The following CALCR variants were observed in gnomAD, a reference collection of about 807,000 sequenced individuals.
The protein encoded by CALCR is calcitonin receptor.
A neutral mutation model predicts 59.5 loss-of-function variants in CALCR; 47 were observed. The observed-to-expected ratio is 0.79, with a 90% CI of 0.63 to 1.01. CALCR has a LOEUF of 1.01. Among genes scored for constraint, CALCR ranks in the 50% least tolerant of loss-of-function variants. CALCR has a pLI of 0.00. For synonymous variants in CALCR, 213 were observed against 211.3 expected, an observed-to-expected ratio of 1.01 and a Z score of -0.07; for missense variants, 566 against 597.1, an observed-to-expected ratio of 0.95 and a Z score of 0.54.
chr7:93,534,230 T>C lies in CALCR; in HGVS notation c.-27+40059A>G, dbSNP rs140682613. ...TACAATAGCCCTAAGAAGTATGTATTGTACTTATACATATAATACAAGATA... is the reference window on the plus strand; with the variant it reads ...TACAATAGCCCTAAGAAGTATGTATCGTACTTATACATATAATACAAGATA... On this transcript the variant is annotated intron_variant, in intron 2 of 13. Transcript: ENST00000426151. Among the ~76,000 whole-genome samples, 26 of 151,968 alleles carry C rather than the reference T, an allele frequency of 1.7e-4. No individual in the cohort carries two copies. The East Asian group carries it at 4.8e-3, about 28-fold the overall frequency.
At chr7:93,516,921 A>C (rs1801662563) in intron 2 of CALCR, among the ~76,000 whole-genome samples, 1 of 151,870 alleles carries the variant, frequency 6.6e-6, no homozygotes, top group Non-Finnish European at 1.5e-5. Flanking sequence ...CAGTGTTGAA[A>C]GTGAAAAGAA....
At chr7:93,548,082 C>A (rs906706486) in intron 2 of CALCR, among the ~76,000 whole-genome samples, 1 of 152,118 alleles carries the variant, frequency 6.6e-6, no homozygotes, top group South Asian at 2.1e-4. Context: ...TGTCAATTAT[C>A]GAGTTCTTAA....
chr7:93,444,118 G>A, intron 8 of CALCR, among the ~76,000 whole-genome samples: 1 of 152,126 alleles, frequency 6.6e-6, no homozygotes, highest in South Asian at 2.1e-4. Flanking sequence ...TCTATGGCCA[G>A]TGAAGCAAAT....
chr7:93,441,185 T>G (rs1799895078), intron 9 of CALCR, among the ~76,000 whole-genome samples: 1 of 152,136 alleles, frequency 6.6e-6, no homozygotes, highest in African/African-American at 2.4e-5. Context: ...CAAGAATACA[T>G]TTACAGCCTT....
rs1159521581 is a variant in CALCR at position 93,551,914 on chromosome 7, A to G, written c.-27+22375T>C. 2.0e-5 allele frequency among the ~76,000 whole-genome samples: 3 copies of G among 152,206 alleles called. No homozygotes were observed. In the East Asian group the frequency reaches 5.8e-4, roughly 29 times the overall value. Reference sequence around the variant, plus strand: ...TTCAATATAGATGACACAAATTAAGAAAAAGGTCTGTCAGCAGTCAGTGAA... The same window carrying G: ...TTCAATATAGATGACACAAATTAAGGAAAAGGTCTGTCAGCAGTCAGTGAA... On this transcript the variant is annotated intron_variant, in intron 2 of 13. Coordinates refer to ENST00000426151, the MANE Select transcript of CALCR (RefSeq NM_001742.4).
intron 8 of CALCR, among the ~76,000 whole-genome samples, chr7:93,454,528 C>A (rs1321402206): frequency 6.6e-6 from 1 of 151,796 alleles, no homozygotes; most frequent in Non-Finnish European, 1.5e-5. Flanking sequence ...AAGTATCCTG[C>A]TAGCTTCCTT....
At chr7:93,562,445 C>A (rs1789771551) in intron 2 of CALCR, among the ~76,000 whole-genome samples, 1 of 151,980 alleles carries the variant, frequency 6.6e-6, no homozygotes, top group South Asian at 2.1e-4. Flanking sequence ...CAACAAAAAA[C>A]AATGAAGACA....
At chr7:93,515,544 A>G (rs368416853) in intron 2 of CALCR, among the ~76,000 whole-genome samples, 1 of 152,040 alleles carries the variant, frequency 6.6e-6, no homozygotes, top group African/African-American at 2.4e-5. Flanking sequence ...TTTCTCAAAT[A>G]TATCTGCTTA....
At chr7:93,468,631 C>T (rs1800487688) in intron 7 of CALCR, 84 bp downstream of exon 7, 1 of 888,842 alleles carries the variant, frequency 1.1e-6, no homozygotes, top group Non-Finnish European at 1.8e-6. Flanking sequence ...AAGACCCTTC[C>T]CCACCTCCAC....
intron 2 of CALCR, among the ~76,000 whole-genome samples, chr7:93,504,834 T>C (rs572407166): frequency 3.3e-5 from 5 of 152,282 alleles, no homozygotes; most frequent in Non-Finnish European, 5.9e-5. Context: ...GTAATAATTG[T>C]GACTGACATC....
At chr7:93,493,588 G>C (rs1392500744) in intron 2 of CALCR, among the ~76,000 whole-genome samples, 1 of 151,336 alleles carries the variant, frequency 6.6e-6, no homozygotes, top group Non-Finnish European at 1.5e-5. Flanking sequence ...TCCAACTCGT[G>C]TTCTATATTA....
At chr7:93,500,321 C>A (rs2115997659) in intron 2 of CALCR, among the ~76,000 whole-genome samples, 1 of 152,020 alleles carries the variant, frequency 6.6e-6, no homozygotes, top group East Asian at 1.9e-4. Flanking sequence ...TCACCTTTAA[C>A]ATTCTGTTTG....
chr7:93,472,776 T>G (rs940868167), intron 5 of CALCR, among the ~76,000 whole-genome samples: 1 of 151,742 alleles, frequency 6.6e-6, no homozygotes, highest in Non-Finnish European at 1.5e-5. Flanking sequence ...GAACCAGGAT[T>G]TAGACCCAAA....
intron 2 of CALCR, among the ~76,000 whole-genome samples, chr7:93,492,381 A>AT (rs1363463470): frequency 2.0e-5 from 3 of 151,342 alleles, no homozygotes; most frequent in African/African-American, 7.3e-5. Flanking sequence ...GTATTTACAG[A>AT]TTTTTCCAGA....
intron 2 of CALCR, among the ~76,000 whole-genome samples, chr7:93,521,213 G>A (rs1311720484): frequency 6.6e-6 from 1 of 152,104 alleles, no homozygotes; most frequent in Non-Finnish European, 1.5e-5. Flanking sequence ...TTTGTTGCCA[G>A]TAAGGCTAAA....
At chr7:93,463,109 C>T (rs1271836560) in intron 7 of CALCR, among the ~76,000 whole-genome samples, 1 of 151,808 alleles carries the variant, frequency 6.6e-6, no homozygotes, top group Non-Finnish European at 1.5e-5. Context: ...TAGATGATTT[C>T]CTACTTTATA....
intron 8 of CALCR, among the ~76,000 whole-genome samples, chr7:93,454,625 A>T (rs1370260946): frequency 6.6e-6 from 1 of 151,908 alleles, no homozygotes; most frequent in African/African-American, 2.4e-5. Context: ...CAAAAAAAAA[A>T]AATAACATTT....
intron 8 of CALCR, among the ~76,000 whole-genome samples, chr7:93,449,895 A>T (rs1475915140): frequency 6.6e-6 from 1 of 152,030 alleles, no homozygotes; most frequent in Non-Finnish European, 1.5e-5. Context: ...AGAGGATGGC[A>T]GTCCCTAAGG....
chr7:93,510,820 C>T (rs368606061), intron 2 of CALCR, among the ~76,000 whole-genome samples: 24 of 152,176 alleles, frequency 1.6e-4, no homozygotes, highest in African/African-American at 5.5e-4. Flanking sequence ...TATGATAGCA[C>T]CACTGCCACT....
Sources: gnomAD v4.1 joint callset for allele counts (sites outside exome capture counted in the v4.1 genomes callset) on GRCh38, gnomAD v4.1.1 for gene constraint, MANE v1.5 for transcripts, NCBI Gene and HGNC (gene_info 2026-07-23, HGNC 2026-07-21) for gene names.